The following THSD4 variants were observed in gnomAD, a reference collection of about 807,000 sequenced individuals.
The protein encoded by THSD4 is thrombospondin type-1 domain-containing protein 4.
A neutral mutation model predicts 119.0 loss-of-function variants in THSD4; 69 were observed. The observed-to-expected ratio is 0.58, with a 90% CI of 0.48 to 0.71. The LOEUF (loss-of-function observed/expected upper bound fraction) is 0.71. THSD4 is among the 30% of genes least tolerant of loss of function. The probability of loss-of-function intolerance (pLI) is 0.00; values close to 1 mark genes in which losing one functional copy is unlikely to be tolerated. For synonymous variants in THSD4, 524 were observed against 540.4 expected (o/e 0.97, Z 0.42); for missense variants, 1,393 against 1,391.1 (o/e 1.00, Z -0.02).
chr15:71,768,275 A>C (rs28802109), intron 16 of THSD4, among the ~76,000 whole-genome samples: 20 of 148,552 alleles, frequency 1.3e-4, no homozygotes, highest in African/African-American at 4.7e-4. Context: ...CACAAAAAAA[A>C]CCAAAAAAAA....
At chr15:71,565,766 C>T (rs963076111) in intron 7 of THSD4, among the ~76,000 whole-genome samples, 1 of 152,090 alleles carries the variant, frequency 6.6e-6, no homozygotes, top group Non-Finnish European at 1.5e-5. Flanking sequence ...CCTCTGAAAC[C>T]ACAGGACATA....
rs761163136 is a variant in THSD4 at position 71,215,334 on chromosome 15, C to A, written c.399C>A (p.Gly133=). 28 of 1,530,912 alleles carry A rather than the reference C, an allele frequency of 1.8e-5. No individual in the cohort carries two copies. The Middle Eastern group carries it at 7.6e-4, about 42-fold the overall frequency. The allele number at this position is 1,530,912 out of a possible 1,614,324, so 94.8% of individuals were successfully genotyped here. A position where few individuals can be genotyped will look rare whatever the true frequency, so the allele number is the denominator to read the frequency against. The change falls in exon 4 of 18, where the codon GGC becomes GGA. Residue 133 remains glycine (G), a synonymous_variant. Transcript: ENST00000261862. The part of the protein sequence containing the change: ...ALAGTDASRQ[G]PTVLRGSRHP... ...CCGGTACGGACGCCAGCCGCCAGGG[C>A]CCCACGGTGCTGCGAGGCAGCCGGC...
intron 7 of THSD4, among the ~76,000 whole-genome samples, chr15:71,596,602 G>C (rs1261121413): frequency 6.6e-6 from 1 of 152,230 alleles, no homozygotes; most frequent in Admixed American, 6.5e-5. Context: ...TGAGTCACTT[G>C]TGGGAACTCT....
rs554819569 is a variant in THSD4, at chr15:71,144,310, G to A, written c.29+2754G>A. Among the ~76,000 whole-genome samples, 7 of 152,250 alleles carry A rather than the reference G, an allele frequency of 4.6e-5. No homozygotes were observed. In the South Asian group the frequency reaches 1.0e-3, roughly 23 times the overall value. ...AAATATATTTTTAAGAGAAAAAGAA[G>A]CAAAAGTAGAGTGTCTTCTGTTTAA... On this transcript the variant is annotated intron_variant, in intron 2 of 17. Coordinates refer to ENST00000261862, the MANE Select transcript of THSD4 (RefSeq NM_024817.3).
chr15:71,602,807 G>T (rs2050039820), intron 7 of THSD4, among the ~76,000 whole-genome samples: 1 of 152,118 alleles, frequency 6.6e-6, no homozygotes, highest in Non-Finnish European at 1.5e-5. Context: ...GGATAGTTTT[G>T]ACTGTTGTAC....
chr15:71,771,132 A>T lies in THSD4; in HGVS notation c.2838A>T (p.Leu946=). 6.2e-7 allele frequency: 1 copy of T among 1,614,172 alleles called. No homozygotes were observed. The highest frequency in any genetic ancestry group is 1.1e-5 in the South Asian group (1 of 91,078). ...GGTGTCTGTCTGATGACATGACTCT[A>T]AGTAACCTCTGTGACCCTCAGTTGA... ...EVRCLSDDMT[L]SNLCDPQLKP... The change falls in exon 17 of 18, where the codon CTA becomes CTT. Residue 946 remains leucine (L), a synonymous_variant. Coordinates refer to ENST00000261862, the MANE Select transcript of THSD4 (RefSeq NM_024817.3).
intron 7 of THSD4, among the ~76,000 whole-genome samples, chr15:71,491,446 A>G (rs1237406601): frequency 6.6e-6 from 1 of 152,210 alleles, no homozygotes; most frequent in Admixed American, 6.5e-5. Flanking sequence ...GACCTAAGCT[A>G]GCACGCTCAG....
intron 1 of THSD4, among the ~76,000 whole-genome samples, chr15:71,125,212 G>A (rs1052135211): frequency 6.6e-6 from 1 of 152,230 alleles, no homozygotes; most frequent in African/African-American, 2.4e-5. Flanking sequence ...TTATTATTGT[G>A]TACTCTCCTG....
chr15:71,675,823 T>C (rs1243093632), intron 8 of THSD4, among the ~76,000 whole-genome samples: 1 of 152,212 alleles, frequency 6.6e-6, no homozygotes, highest in Non-Finnish European at 1.5e-5. Context: ...TGCATGTTTA[T>C]GACCATGGCC....
At chr15:71,250,814 A>G (rs2044251911) in intron 5 of THSD4, among the ~76,000 whole-genome samples, 1 of 152,164 alleles carries the variant, frequency 6.6e-6, no homozygotes, top group Non-Finnish European at 1.5e-5. Flanking sequence ...GCCTGGGTGA[A>G]AGGCTGGGCT....
At chr15:71,367,631 G>C (rs1267749481) in intron 6 of THSD4, among the ~76,000 whole-genome samples, 2 of 152,132 alleles carry the variant, frequency 1.3e-5, no homozygotes, top group South Asian at 2.1e-4. Flanking sequence ...TTTTGTGGCT[G>C]CATAGGATTC....
chr15:71,721,886 A>C (rs2052729655), intron 8 of THSD4, among the ~76,000 whole-genome samples: 2 of 151,298 alleles, frequency 1.3e-5, no homozygotes, highest in South Asian at 2.1e-4. Context: ...CCAAGGAAGG[A>C]GGATTCCTTG....
chr15:71,609,851 C>A (rs79940087), intron 7 of THSD4, among the ~76,000 whole-genome samples: 222 of 115,524 alleles, frequency 1.9e-3, no homozygotes, highest in Middle Eastern at 4.5e-3. Context: ...GACTCCGTCT[C>A]AAAAAAAAAA....
At chr15:71,531,561 G>T (rs748819497) in intron 7 of THSD4, among the ~76,000 whole-genome samples, 1 of 152,188 alleles carries the variant, frequency 6.6e-6, no homozygotes, top group East Asian at 1.9e-4. Flanking sequence ...TTGAATCCCT[G>T]CTTTGCTGCA....
intron 6 of THSD4, among the ~76,000 whole-genome samples, chr15:71,394,912 C>G (rs1345919946): frequency 6.6e-6 from 1 of 152,188 alleles, no homozygotes; most frequent in East Asian, 1.9e-4. Context: ...TATTTCTGAA[C>G]AGATGTCAGT....
chr15:71,449,441 C>G (rs974428172), intron 7 of THSD4, among the ~76,000 whole-genome samples: 19 of 152,080 alleles, frequency 1.2e-4, no homozygotes, highest in African/African-American at 3.9e-4. Context: ...ATTGTGTGGT[C>G]TTGGGCAGGT....
At chr15:71,101,825 T>C (rs1207083103) in intron 1 of THSD4, among the ~76,000 whole-genome samples, 2 of 152,080 alleles carry the variant, frequency 1.3e-5, no homozygotes, top group Non-Finnish European at 2.9e-5. Flanking sequence ...GCGATTCTCG[T>C]GCCTCAGCCT....
Position 71,570,452 on chromosome 15 carries a change from G to T in THSD4, c.1153-90078G>T, listed in dbSNP as rs116471518. Among the ~76,000 whole-genome samples, 1,397 of 151,278 alleles carry T rather than the reference G, an allele frequency of 9.2e-3. 38 individuals carry two copies. Among genetic ancestry groups the T allele is most frequent in the South Asian group, 0.052 (249 of 4,776 alleles). On this transcript the variant is annotated intron_variant, in intron 7 of 17. Coordinates refer to ENST00000261862, the MANE Select transcript of THSD4 (RefSeq NM_024817.3). ...GATGGAGTCTTGTTATCTCACCCAG[G>T]CTAAAGTACAGTGGCGCCATCTAGG...
intron 6 of THSD4, among the ~76,000 whole-genome samples, chr15:71,309,081 C>G (rs983157258): frequency 6.6e-6 from 1 of 152,196 alleles, no homozygotes; most frequent in African/African-American, 2.4e-5. Flanking sequence ...TCCCGAGTAG[C>G]TGTGATTACA....
Sources: allele counts gnomAD v4.1 joint callset (sites outside exome capture counted in the v4.1 genomes callset), GRCh38; gene constraint gnomAD v4.1.1; transcripts MANE v1.5; gene names NCBI Gene and HGNC (gene_info 2026-07-23, HGNC 2026-07-21).